The following DNAAF4 variants were observed in gnomAD, a reference collection of about 807,000 sequenced individuals.
The protein encoded by DNAAF4 is dynein assembly factor 4, axonemal.
DNAAF4 carries 43 observed loss-of-function variants against 51.8 expected under a neutral mutation model. The ratio of observed to expected loss-of-function variants is 0.83; its 90% CI spans 0.65 to 1.07. The LOEUF is 1.07. Ranked by LOEUF, DNAAF4 falls within the 50% of genes least tolerant of loss-of-function variation. The pLI, the probability that DNAAF4 is intolerant of heterozygous loss-of-function variation, is 0.00. For synonymous variants in DNAAF4, 194 were observed against 165.6 expected, an observed-to-expected ratio of 1.17 and a Z score of -1.32; for missense variants, 581 against 493.0, an observed-to-expected ratio of 1.18 and a Z score of -1.69.
chr15:55,461,157 C>T (rs948296755), intron 5 of DNAAF4, among the ~76,000 whole-genome samples: 20 of 152,026 alleles, frequency 1.3e-4, no homozygotes, highest in African/African-American at 4.8e-4. Context: ...CAAACTCCGC[C>T]TCCTGGGTTC....
At chr15:55,458,668 C>A (rs1246013370) in intron 5 of DNAAF4, among the ~76,000 whole-genome samples, 1 of 152,078 alleles carries the variant, frequency 6.6e-6, no homozygotes, top group Non-Finnish European at 1.5e-5. Flanking sequence ...ATCTAGACAT[C>A]CAAATACAAG....
At chr15:55,424,196 AAG>A (rs1320942857) in intron 7 of DNAAF4, among the ~76,000 whole-genome samples, 2 of 152,186 alleles carry the variant, frequency 1.3e-5, no homozygotes, top group Non-Finnish European at 2.9e-5. Context: ...TTAGTTATAA[AAG>A]AGGGGAGTTC....
chr15:55,474,882 G>A (rs1036504721), intron 4 of DNAAF4, among the ~76,000 whole-genome samples: 1 of 152,002 alleles, frequency 6.6e-6, no homozygotes, highest in African/African-American at 2.4e-5. Flanking sequence ...TGGAGGCTGA[G>A]GAAGGAGAAT....
intron 5 of DNAAF4, among the ~76,000 whole-genome samples, chr15:55,466,423 C>CA (rs535500921): frequency 2.4e-3 from 343 of 145,036 alleles, no homozygotes; most frequent in African/African-American, 7.4e-3. Context: ...GACCTTGTCT[C>CA]AAAAAAAAAA....
Position 55,430,766 on chromosome 15 carries a change from A to G in DNAAF4, c.1167T>C (p.Tyr389=). 2 of 1,613,014 alleles carry G rather than the reference A, an allele frequency of 1.2e-6. No individual in the cohort carries two copies. The highest frequency in any genetic ancestry group is 1.1e-5 in the South Asian group (1 of 91,016). ...LELYVEGLQD[Y]EAALKIDPSN... Reference sequence around the variant, plus strand: ...ATGGATCAATCTTAAGTGCCGCTTCATAATCCTGTAGGCCTGTGTTTATAT... The same window carrying G: ...ATGGATCAATCTTAAGTGCCGCTTCGTAATCCTGTAGGCCTGTGTTTATAT... Residue 389 remains tyrosine (Y), a synonymous_variant, in exon 10 of 10, where the codon TAT becomes TAC. Transcript: ENST00000321149.
chr15:55,466,763 A>T (rs2058176623), intron 5 of DNAAF4, among the ~76,000 whole-genome samples, 167 bp downstream of exon 5: 1 of 152,190 alleles, frequency 6.6e-6, no homozygotes, highest in African/African-American at 2.4e-5. Flanking sequence ...AAACTTCATT[A>T]TCCCCGAAAG....
chr15:55,433,915 T>A (rs1281757288), intron 8 of DNAAF4, among the ~76,000 whole-genome samples: 5 of 10,048 alleles, frequency 5.0e-4, no homozygotes, highest in African/African-American at 8.1e-4. Flanking sequence ...TATATATAAT[T>A]ATATATATTA....
At chr15:55,418,665 T>G (rs2057359710) in intron 7 of DNAAF4, 1 of 855,570 alleles carries the variant, frequency 1.2e-6, no homozygotes, top group South Asian at 2.2e-5. Flanking sequence ...GATAAAAAGT[T>G]TTGAATCAAT....
chr15:55,438,184 A>G (rs1221555728), intron 7 of DNAAF4, among the ~76,000 whole-genome samples: 2 of 151,958 alleles, frequency 1.3e-5, no homozygotes, highest in Non-Finnish European at 2.9e-5. Context: ...CAGCCTGGCC[A>G]ACATGGTGAA....
intron 4 of DNAAF4, among the ~76,000 whole-genome samples, chr15:55,489,493 G>A (rs2058539864): frequency 6.6e-6 from 1 of 152,030 alleles, no homozygotes; most frequent in Non-Finnish European, 1.5e-5. Flanking sequence ...GGCCAATATG[G>A]TGAAGCCCTG....
At chr15:55,484,424 G>T (rs2058457224) in intron 4 of DNAAF4, among the ~76,000 whole-genome samples, 1 of 151,226 alleles carries the variant, frequency 6.6e-6, no homozygotes, top group East Asian at 2.0e-4. Flanking sequence ...GGCGGAGCTT[G>T]CAGTGAGCCG....
At chr15:55,490,529 G>A (rs961761504) in intron 4 of DNAAF4, among the ~76,000 whole-genome samples, 3 of 152,234 alleles carry the variant, frequency 2.0e-5, no homozygotes, top group African/African-American at 4.8e-5. Context: ...AATCATATCT[G>A]TTATTCCAAG....
At chr15:55,506,570 G>A (rs995625199) in intron 1 of DNAAF4, among the ~76,000 whole-genome samples, 12 of 152,100 alleles carry the variant, frequency 7.9e-5, no homozygotes, top group Non-Finnish European at 1.6e-4. Flanking sequence ...TTTCAGGGGT[G>A]GGTGGGAATA....
chr15:55,473,042 T>C (rs1159749938), intron 4 of DNAAF4, among the ~76,000 whole-genome samples: 2 of 151,444 alleles, frequency 1.3e-5, no homozygotes, highest in African/African-American at 2.4e-5. Context: ...AGCGCACACC[T>C]GTAATCCCAG....
At chr15:55,421,263 G>A (rs2057385934) in intron 7 of DNAAF4, among the ~76,000 whole-genome samples, 1 of 151,804 alleles carries the variant, frequency 6.6e-6, no homozygotes, top group Non-Finnish European at 1.5e-5. Flanking sequence ...ACTTTTGAGA[G>A]GCCGAGGTGG....
rs1444320399 is a variant in DNAAF4 at position 55,430,399 on chromosome 15, AG to A, written c.*270del. 1 of 1,004,520 alleles carries A rather than the reference AG, an allele frequency of 1.0e-6. No homozygotes were observed. The highest frequency in any genetic ancestry group is 1.7e-5 in the African/African-American group (1 of 57,848). The allele number at this position is 1,004,520 out of a possible 1,614,324, so 62.2% of individuals were successfully genotyped here. A position where few individuals can be genotyped will look rare whatever the true frequency, so the allele number is the denominator to read the frequency against. ...CTATACCAAAACATATTTTGTTACA[AG>A]GGCAAGCTTAATTCAGTAACACAAA... is the stretch of plus-strand genomic sequence containing the variant. On this transcript the variant is annotated 3_prime_UTR_variant, in exon 10 of 10. Transcript: ENST00000321149.
At chr15:55,422,640 A>G (rs139766539) in intron 7 of DNAAF4, among the ~76,000 whole-genome samples, 1 of 152,298 alleles carries the variant, frequency 6.6e-6, no homozygotes, top group African/African-American at 2.4e-5. Flanking sequence ...GAGATATAGC[A>G]TATGAATTGA....
At chr15:55,454,785 A>G (rs1365527309) in intron 5 of DNAAF4, among the ~76,000 whole-genome samples, 3 of 152,164 alleles carry the variant, frequency 2.0e-5, no homozygotes, top group Non-Finnish European at 4.4e-5. Context: ...ATATTATGAG[A>G]TAAATAAATA....
intron 4 of DNAAF4, among the ~76,000 whole-genome samples, chr15:55,475,485 C>T (rs1454603895): frequency 6.6e-6 from 1 of 152,140 alleles, no homozygotes; most frequent in Non-Finnish European, 1.5e-5. Context: ...ATTTTACTGG[C>T]TGAATATCCC....
Sources: allele counts gnomAD v4.1 joint callset (sites outside exome capture counted in the v4.1 genomes callset), GRCh38; gene constraint gnomAD v4.1.1; transcripts MANE v1.5; gene names NCBI Gene and HGNC (gene_info 2026-07-23, HGNC 2026-07-21).